ZNF469: variants seen among roughly 807,000 people sequenced by gnomAD.
The protein encoded by ZNF469 is zinc finger protein 469.
In ZNF469, 1 loss-of-function variant was observed where a neutral mutation model predicts 1.0. That is an observed-to-expected ratio of 1.00 (90% CI 0.35 to 4.73). The LOEUF (loss-of-function observed/expected upper bound fraction) is 4.73, where lower values mean the gene tolerates loss of function less well. Ranked by LOEUF, ZNF469 falls within the 30% of genes most tolerant of loss-of-function variation. ZNF469 has a pLI of 0.16. For synonymous variants in ZNF469, 2,703 were observed against 2,363.4 expected (o/e 1.14, Z -4.17); for missense variants, 6,100 against 5,356.3 (o/e 1.14, Z -4.33).
At chr16:88,170,754 A>T in the ZNF469 span, among the ~76,000 whole-genome samples, 1 of 152,042 alleles carries the variant, frequency 6.6e-6, no homozygotes, top group Non-Finnish European at 1.5e-5. The surrounding 1 kb of genome is among the most constrained non-coding windows in gnomAD (Gnocchi z 4.2). Flanking sequence ...TGTTGTACTG[A>T]TTTCCTTTCC....
chr16:88,167,076 TTC>T, the ZNF469 span, among the ~76,000 whole-genome samples: 121 of 143,252 alleles, frequency 8.4e-4, 23 homozygotes, highest in African/African-American at 1.9e-3. Flanking sequence ...TTTTTTTTTT[TTC>T]TAAGAGGGAA....
the ZNF469 span, among the ~76,000 whole-genome samples, chr16:88,230,122 C>T: frequency 1.3e-5 from 2 of 152,206 alleles, no homozygotes; most frequent in Non-Finnish European, 2.9e-5. Flanking sequence ...AGACTGTTTC[C>T]AAGGTCCAGG....
At chr16:88,415,199 A>G (rs2142286251) in intron 1 of ZNF469, among the ~76,000 whole-genome samples, 2 of 152,242 alleles carry the variant, frequency 1.3e-5, no homozygotes, top group African/African-American at 4.8e-5. Flanking sequence ...GACCACCCGG[A>G]ACATCAGGGA....
the ZNF469 span, among the ~76,000 whole-genome samples, chr16:88,356,485 C>T: frequency 6.6e-6 from 1 of 151,208 alleles, no homozygotes; most frequent in Non-Finnish European, 1.5e-5. Flanking sequence ...TGTGTGTACA[C>T]ATGCCTGTGT....
At chr16:88,402,248 G>C (rs1904903862) in intron 1 of ZNF469, among the ~76,000 whole-genome samples, 1 of 152,146 alleles carries the variant, frequency 6.6e-6, no homozygotes, top group African/African-American at 2.4e-5. Flanking sequence ...CAGTCTTCCA[G>C]GCACCAGAAG....
At chr16:88,108,665 G>C in the ZNF469 span, among the ~76,000 whole-genome samples, 1 of 152,216 alleles carries the variant, frequency 6.6e-6, no homozygotes, top group African/African-American at 2.4e-5. Flanking sequence ...TGGTGACGCT[G>C]TAGGGTGTTG....
At chr16:88,122,026 T>C in the ZNF469 span, among the ~76,000 whole-genome samples, 160 of 140,360 alleles carry the variant, frequency 1.1e-3, 1 homozygote, top group Middle Eastern at 3.8e-3. Context: ...CGGATCACAC[T>C]CTGTCACTCA....
chr16:88,110,883 G>T, the ZNF469 span, among the ~76,000 whole-genome samples: 4 of 152,242 alleles, frequency 2.6e-5, no homozygotes, highest in African/African-American at 7.2e-5. Context: ...CTGCAGCCGG[G>T]CTCTGTGGGG....
At chr16:88,401,113 G>C (rs183936565) in intron 1 of ZNF469, among the ~76,000 whole-genome samples, 3 of 152,110 alleles carry the variant, frequency 2.0e-5, no homozygotes, top group African/African-American at 7.2e-5. Flanking sequence ...AGAAAAGTGC[G>C]TTCAGACCCC....
the ZNF469 span, among the ~76,000 whole-genome samples, chr16:88,138,397 A>C: frequency 0.17 from 25,419 of 152,236 alleles, 2,643 homozygotes; most frequent in East Asian, 0.48. Flanking sequence ...GCGGGTTGTC[A>C]AGGGATGATT....
At chr16:88,245,742 G>T in the ZNF469 span, among the ~76,000 whole-genome samples, 2 of 152,374 alleles carry the variant, frequency 1.3e-5, no homozygotes, top group East Asian at 3.9e-4. Flanking sequence ...CACACGGTGG[G>T]CAGGGTTTGT....
chr16:88,397,655 G>GAGAGAGATAGATAGATAGAT (rs1555516251), intron 1 of ZNF469, among the ~76,000 whole-genome samples: 1 of 134,680 alleles, frequency 7.4e-6, no homozygotes, highest in African/African-American at 2.9e-5. Flanking sequence ...ATATAAATAA[G>GAGAGAGATAGATAGATAGAT]AGATAGATAG....
chr16:88,401,515 G>GGTAGATGGATGGATAGATGGGCGAGTGGA (rs1555516465), intron 1 of ZNF469, among the ~76,000 whole-genome samples: 3 of 120,612 alleles, frequency 2.5e-5, no homozygotes, highest in Non-Finnish European at 5.7e-5. Flanking sequence ...GGATGGGTGA[G>GGTAGATGGATGGATAGATGGGCGAGTGGA]TGGATGGATG....
chr16:88,296,241 C>T, the ZNF469 span, among the ~76,000 whole-genome samples: 9 of 152,266 alleles, frequency 5.9e-5, no homozygotes, highest in East Asian at 1.9e-4. Flanking sequence ...GCCAGCCTGG[C>T]GGGGACATCC....
the ZNF469 span, among the ~76,000 whole-genome samples, chr16:88,257,932 A>C: frequency 6.6e-6 from 1 of 152,226 alleles, no homozygotes; most frequent in African/African-American, 2.4e-5. Context: ...CAGAATGAGA[A>C]TAGAATGTGC....
the ZNF469 span, among the ~76,000 whole-genome samples, chr16:88,363,572 G>T: frequency 6.6e-6 from 1 of 152,146 alleles, no homozygotes; most frequent in African/African-American, 2.4e-5. Context: ...TCCCATGTTG[G>T]TCTCTCCTAT....
In ZNF469 at chr16:88,427,817, C is replaced by A; in HGVS notation, c.347C>A (p.Pro116His). 1 of 1,548,454 alleles carries A rather than the reference C, an allele frequency of 6.5e-7. No homozygotes were observed. The highest frequency in any genetic ancestry group is 8.7e-7 in the Non-Finnish European group (1 of 1,146,792). The change falls in exon 3 of 3, where the codon CCC becomes CAC. Residue 116 changes from proline to histidine, a missense_variant. Coordinates refer to ENST00000565624, the MANE Select transcript of ZNF469 (RefSeq NM_001367624.2). ...CTGGCGGGCAGGGCAGAGGGCAGCC[C>A]CCCACAGCGCTACATTCTGGGCATC... Reference protein sequence around the residue: ...SRLAGRAEGSPPQRYILGIAS... With the variant: ...SRLAGRAEGSHPQRYILGIAS...
the ZNF469 span, among the ~76,000 whole-genome samples, chr16:88,249,339 C>T: frequency 3.3e-5 from 5 of 151,710 alleles, no homozygotes; most frequent in South Asian, 2.1e-4. Flanking sequence ...GCCATCCTCC[C>T]ACTTTAGCCT....
rs570624682 is a variant in ZNF469 at position 88,435,376 on chromosome 16, G to A, written c.7906G>A (p.Gly2636Arg). 6.4e-7 allele frequency: 1 copy of A among 1,550,418 alleles called. No homozygotes were observed. Among genetic ancestry groups the A allele is most frequent in the African/African-American group, 1.4e-5 (1 of 73,188 alleles). ...HSEGKSNKKRGKLRGRRLREE... is the reference protein window; with the variant it reads ...HSEGKSNKKRRKLRGRRLREE... ...AGAGGGGAAGTCAAATAAGAAAAGG[G>A]GAAAGCTGAGAGGGAGAAGGCTCCG... is the stretch of plus-strand genomic sequence containing the variant. The change falls in exon 3 of 3, where the codon GGA becomes AGA. Residue 2636 changes from glycine (G) to arginine (R), a missense_variant. By Grantham distance (125) the Gly-to-Arg change is moderately radical. Transcript: ENST00000565624.
Sources: gnomAD v4.1 joint callset for allele counts (sites outside exome capture counted in the v4.1 genomes callset) on GRCh38, gnomAD v4.1.1 for gene constraint, Gnocchi (gnomAD v3.1) non-coding constraint, MANE v1.5 for transcripts, NCBI Gene and HGNC (gene_info 2026-07-23, HGNC 2026-07-21) for gene names.